Variants in HIP1R observed in about 807,000 individuals in gnomAD.
HIP1R encodes huntingtin interacting protein 1 related.
HIP1R carries 135 observed loss-of-function variants against 144.2 expected under a neutral mutation model. The ratio of observed to expected loss-of-function variants is 0.94; its 90% CI spans 0.81 to 1.08. The LOEUF (loss-of-function observed/expected upper bound fraction) is 1.08, where lower values mean the gene tolerates loss of function less well. Ranked by LOEUF, HIP1R falls within the 50% of genes least tolerant of loss-of-function variation. The pLI is 0.00. For synonymous variants in HIP1R, 698 were observed against 612.8 expected (o/e 1.14, Z -2.05); for missense variants, 1,462 against 1,432.8 (o/e 1.02, Z -0.33).
At chr12:122,845,126 C>T (rs1266987462) in intron 1 of HIP1R, among the ~76,000 whole-genome samples, 1 of 152,228 alleles carries the variant, frequency 6.6e-6, no homozygotes. Flanking sequence ...TGGGTCTCAC[C>T]ACAGAGTGAG....
chr12:122,841,506 T>G lies in HIP1R; in HGVS notation c.93+5863T>G, dbSNP rs138555181. Among the ~76,000 whole-genome samples, 388 of 152,358 alleles carry G rather than the reference T, an allele frequency of 2.5e-3. 2 individuals carry two copies. Among genetic ancestry groups the G allele is most frequent in the Middle Eastern group, 3.4e-3 (1 of 294 alleles). On this transcript the variant is annotated intron_variant, in intron 1 of 31. Coordinates refer to ENST00000253083, the MANE Select transcript of HIP1R (RefSeq NM_003959.3). ...GCCAGTGGTCTCCCTTCTTTGATGCTGTCTTCTTGGTGAGGTCTGAAAGGC... is the reference window on the plus strand; with the variant it reads ...GCCAGTGGTCTCCCTTCTTTGATGCGGTCTTCTTGGTGAGGTCTGAAAGGC...
chr12:122,835,547 C>T lies in HIP1R; in HGVS notation c.-4C>T. The T allele has an allele frequency of 1.5e-6, 2 of 1,337,116 alleles. No homozygotes were observed. The highest frequency in any genetic ancestry group is 9.6e-7 in the Non-Finnish European group (1 of 1,036,896). The allele number at this position is 1,337,116 out of a possible 1,614,324, so 82.8% of individuals were successfully genotyped here. On this transcript the variant is annotated 5_prime_UTR_variant, in exon 1 of 32. Transcript: ENST00000253083. ...GCCGGACAAAAGCGGGCGGCGGCGG[C>T]AGGATGAACAGCATCAAGAACGTGC... is the stretch of plus-strand genomic sequence containing the variant.
At position 122,858,375 on chromosome 12, in the gene HIP1R, G is replaced by A. The variant is rs375880257; in HGVS notation, c.1990G>A (p.Ala664Thr). The change falls in exon 20 of 32, where the codon GCC becomes ACC. Residue 664 changes from alanine (A) to threonine (T), a missense_variant. Ala to Thr is a moderately conservative substitution (Grantham distance 58). This residue lies in a region of HIP1R where 1,112 missense variants were observed against 1,011.7 expected (regional missense o/e 1.10). Coordinates refer to ENST00000253083, the MANE Select transcript of HIP1R (RefSeq NM_003959.3). ...CTACCTGGTGAGCAGGGCCCAGGAG[G>A]CCTTGGATGCCGTGAGCACCCTGGA... ...PDYLVSRAQEALDAVSTLEEG... is the reference protein window; with the variant it reads ...PDYLVSRAQETLDAVSTLEEG... 15 of 1,610,676 alleles carry A rather than the reference G, an allele frequency of 9.3e-6. No homozygotes were observed. In the African/African-American group the frequency reaches 1.9e-4, roughly 20 times the overall value.
chr12:122,837,868 C>A (rs73228032), intron 1 of HIP1R, among the ~76,000 whole-genome samples: 14,071 of 152,184 alleles, frequency 0.092, 957 homozygotes, highest in Non-Finnish European at 0.14. Context: ...TCAGGTGAGC[C>A]GCCAGCCAGG....
chr12:122,855,519 G>A, intron 11 of HIP1R, 32 bp from the exon 12 acceptor site: 1 of 1,549,422 alleles, frequency 6.5e-7, no homozygotes, highest in Non-Finnish European at 8.7e-7. Context: ...GAGGGCACAG[G>A]TGAGTGGGGT....
intron 3 of HIP1R, 48 bp from the exon 4 acceptor site, chr12:122,848,748 C>A: frequency 2.5e-6 from 4 of 1,605,658 alleles, no homozygotes; most frequent in Non-Finnish European, 3.4e-6. Context: ...CAGGGCCCTG[C>A]CACACGGTCC....
At chr12:122,847,304 G>C (rs374587857) in intron 1 of HIP1R, among the ~76,000 whole-genome samples, 9 of 132,506 alleles carry the variant, frequency 6.8e-5, no homozygotes, top group African/African-American at 1.0e-4. Context: ...TAGCCGGGGC[G>C]GGGGGGGAGG....
chr12:122,858,173 C>T lies in HIP1R; in HGVS notation c.1887C>T (p.Ala629=), dbSNP rs765049163. 28 of 1,607,268 alleles carry T rather than the reference C, an allele frequency of 1.7e-5. 1 individual carries two copies. The South Asian group carries it at 1.8e-4, about 10-fold the overall frequency. ...EQFAVLRGAA[A]EAAGILQDAV... is the part of the protein sequence containing the mutation. Reference sequence around the variant, plus strand: ...TCGCAGTGTTGCGGGGCGCTGCTGCCGAGGCCGCGGGCATCCTGCAGGATG... The same window carrying T: ...TCGCAGTGTTGCGGGGCGCTGCTGCTGAGGCCGCGGGCATCCTGCAGGATG... The change falls in exon 19 of 32, where the codon GCC becomes GCT. Residue 629 remains alanine, a synonymous_variant. Coordinates refer to ENST00000253083, the MANE Select transcript of HIP1R (RefSeq NM_003959.3).
At position 122,854,062 on chromosome 12, in the gene HIP1R, G is replaced by T. The variant is rs749720863; in HGVS notation, c.597G>T (p.Thr199=). 10 of 1,613,598 alleles carry T rather than the reference G, an allele frequency of 6.2e-6. No homozygotes were observed. The highest frequency in any genetic ancestry group is 8.5e-6 in the Non-Finnish European group (10 of 1,179,814). ...LSESVFRQLN[T]AIAVSQMSSG... ...GCACAGTTTTCCGACAGCTCAACAC[G>T]GCCATCGCCGTATCCCAGATGTCCT... The change falls in exon 8 of 32, where the codon ACG becomes ACT. Residue 199 remains threonine (T), a synonymous_variant. Transcript: ENST00000253083.
chr12:122,846,710 A>C (rs1798353604), intron 1 of HIP1R, among the ~76,000 whole-genome samples: 1 of 152,118 alleles, frequency 6.6e-6, no homozygotes, highest in African/African-American at 2.4e-5. Flanking sequence ...GGTCCAGTAC[A>C]ATGGGCCCTG....
In HIP1R at chr12:122,861,397, A is replaced by C. The variant is rs2033766645; in HGVS notation, c.3042A>C (p.Ala1014=). ...LRKQHYVLAG[A]SGSPGEEVAI... ...AGCAACACTACGTGCTGGCTGGGGC[A>C]TCAGGCAGCCCTGGAGAGGAGGTGG... The change falls in exon 31 of 32, where the codon GCA becomes GCC. Residue 1014 remains alanine, a synonymous_variant. Coordinates refer to ENST00000253083, the MANE Select transcript of HIP1R (RefSeq NM_003959.3). The C allele has an allele frequency of 6.2e-7, 1 of 1,613,354 alleles. No homozygotes were observed. The highest frequency in any genetic ancestry group is 1.7e-5 in the Admixed American group (1 of 59,996).
At chr12:122,860,385 G>C (rs746153867) in intron 26 of HIP1R, 38 bp from the exon 27 acceptor site, 2 of 1,607,214 alleles carry the variant, frequency 1.2e-6, no homozygotes, top group Non-Finnish European at 1.7e-6. Context: ...TGGTGTCCTT[G>C]ACTGGCATGT....
At chr12:122,843,510 C>T (rs555391734) in intron 1 of HIP1R, among the ~76,000 whole-genome samples, 1 of 152,230 alleles carries the variant, frequency 6.6e-6, no homozygotes, top group African/African-American at 2.4e-5. Context: ...TATGTTCTTA[C>T]ACACTTGGCG....
At chr12:122,856,575 G>A (rs779017347) in intron 16 of HIP1R, 27 bp downstream of exon 16, 27 of 1,597,880 alleles carry the variant, frequency 1.7e-5, no homozygotes, top group Non-Finnish European at 2.3e-5. Context: ...ACAGGGCCCT[G>A]CCCCGGCATC....
At chr12:122,854,340 GA>G (rs5801492) in intron 8 of HIP1R, among the ~76,000 whole-genome samples, 157 bp downstream of exon 8, 107,790 of 128,512 alleles carry the variant, frequency 0.84, 45,107 homozygotes, top group East Asian at 0.91. Context: ...TATATTTTAT[GA>G]AAAAAAAAAA....
rs1345561605 is a variant in HIP1R, at chr12:122,850,803, C to G, written c.439-32C>G. On this transcript the variant is annotated intron_variant, in intron 5 of 31. Transcript: ENST00000253083. ...CGCCAGGTGTGGGGGGGCCCTGGTT[C>G]AGTGGCCGCTGGGTGGGGGTTCTCT... The G allele has an allele frequency of 3.2e-6, 5 of 1,582,726 alleles. No individual in the cohort carries two copies. The South Asian group carries it at 5.7e-5, about 18-fold the overall frequency.
intron 21 of HIP1R, 45 bp from the exon 22 acceptor site, chr12:122,859,016 C>A (rs768764220): frequency 6.8e-6 from 10 of 1,478,270 alleles, no homozygotes; most frequent in Non-Finnish European, 9.1e-6. Context: ...CCTTATGGAG[C>A]CTGTCGGTGG....
Position 122,859,462 on chromosome 12 carries a change from G to C in HIP1R, c.2332G>C (p.Glu778Gln), listed in dbSNP as rs561919239. The change falls in exon 23 of 32, where the codon GAG becomes CAG. Residue 778 changes from glutamate (E) to glutamine (Q), a missense_variant. Around this residue, in one of 2 missense-constraint regions of HIP1R, gnomAD observed 1,112 missense variants for 1,011.7 expected, o/e 1.10. Coordinates refer to ENST00000253083, the MANE Select transcript of HIP1R (RefSeq NM_003959.3). ...CAAGAGCCTAGATGTGCGGCAGGAG[G>C]AGCTGGGGGCCGTGGTCGACAAGGA... Reference protein sequence around the residue: ...KPKSLDVRQEELGAVVDKEMA... With the variant: ...KPKSLDVRQEQLGAVVDKEMA... The C allele has an allele frequency of 3.7e-6, 6 of 1,613,560 alleles. No individual in the cohort carries two copies. In the South Asian group the frequency reaches 5.5e-5, roughly 15 times the overall value.
At chr12:122,860,233 G>A (rs1250469595) in intron 26 of HIP1R, 23 bp downstream of exon 26, 1 of 1,545,054 alleles carries the variant, frequency 6.5e-7, no homozygotes. Context: ...CGGCAGCAGG[G>A]CACAGTCCAC....
Sources: gnomAD v4.1 joint callset for allele counts (sites outside exome capture counted in the v4.1 genomes callset) on GRCh38, gnomAD v4.1.1 for gene constraint, gnomAD v4.1.1 regional missense constraint, MANE v1.5 for transcripts, NCBI Gene and HGNC (gene_info 2026-07-23, HGNC 2026-07-21) for gene names.